The following GNB1 variants were observed in gnomAD, a reference collection of about 807,000 sequenced individuals.
GNB1 encodes guanine nucleotide-binding protein G(I)/G(S)/G(T) subunit beta-1.
Under a neutral mutation model 42.9 loss-of-function variants are expected in GNB1, and 2 were observed. That is an observed-to-expected ratio of 0.05 (90% CI 0.02 to 0.15). The LOEUF is 0.15. GNB1 is among the 10% of genes least tolerant of loss of function. GNB1 has a pLI of 1.00. For synonymous variants in GNB1, 183 were observed against 174.7 expected (o/e 1.05, Z -0.38); for missense variants, 193 against 462.2 (o/e 0.42, Z 5.34).
At chr1:1,842,234 T>C (rs180845904) in intron 1 of GNB1, among the ~76,000 whole-genome samples, 100 of 152,230 alleles carry the variant, frequency 6.6e-4, no homozygotes, top group Non-Finnish European at 8.1e-4. Context: ...ATTGAGACCA[T>C]CCTGGCTAAC....
At chr1:1,852,616 G>C (rs2101537056) in intron 1 of GNB1, among the ~76,000 whole-genome samples, 1 of 151,934 alleles carries the variant, frequency 6.6e-6, no homozygotes, top group Admixed American at 6.6e-5. Context: ...GACTGGTTGA[G>C]CCCAGGAGTT....
In GNB1 at chr1:1,885,311, G is replaced by C. The variant is rs556130997; in HGVS notation, c.-96+5509C>G. ...ACCTGTAATCTCAGCTACTTGGGAG[G>C]CTGAGGCAGGAGAATCACTTGAACC... On this transcript the variant is annotated intron_variant, in intron 1 of 11. Transcript: ENST00000378609. 3.3e-5 allele frequency among the ~76,000 whole-genome samples: 5 copies of C among 150,922 alleles called. No individual in the cohort carries two copies. The South Asian group carries it at 1.1e-3, about 32-fold the overall frequency.
intron 2 of GNB1, among the ~76,000 whole-genome samples, chr1:1,834,428 G>A (rs1393346097): frequency 1.3e-5 from 2 of 152,056 alleles, no homozygotes; most frequent in African/African-American, 2.4e-5. Flanking sequence ...TTAGGGCGGA[G>A]CACAAAATCT....
At chr1:1,884,396 G>A (rs1232730957) in intron 1 of GNB1, among the ~76,000 whole-genome samples, 1 of 152,036 alleles carries the variant, frequency 6.6e-6, no homozygotes, top group African/African-American at 2.4e-5. Context: ...ATTTTCAGTA[G>A]AGACAGGGTT....
At chr1:1,840,895 ATTTT>A (rs1049974565) in intron 1 of GNB1, among the ~76,000 whole-genome samples, 1 of 151,946 alleles carries the variant, frequency 6.6e-6, no homozygotes, top group African/African-American at 2.4e-5. Flanking sequence ...CATTTATTGT[ATTTT>A]TTTTATTTTT....
intron 1 of GNB1, among the ~76,000 whole-genome samples, chr1:1,885,551 CTTT>C (rs60651257): frequency 1.3e-4 from 12 of 94,056 alleles, no homozygotes; most frequent in Admixed American, 4.1e-4. Flanking sequence ...TCCACTTAAT[CTTT>C]TTTTTTTTTT....
chr1:1,830,133 A>G (rs2101044987), intron 2 of GNB1, among the ~76,000 whole-genome samples: 1 of 152,252 alleles, frequency 6.6e-6, no homozygotes, highest in Middle Eastern at 3.4e-3. Context: ...ATTATTCTTC[A>G]AATATAGTTT....
intron 1 of GNB1, among the ~76,000 whole-genome samples, chr1:1,858,147 T>A (rs1412898217): frequency 6.6e-6 from 1 of 152,204 alleles, no homozygotes; most frequent in Non-Finnish European, 1.5e-5. Context: ...TTTTTTCTTT[T>A]CTTTAAAAGC....
chr1:1,816,383 G>A (rs925356984), intron 4 of GNB1, among the ~76,000 whole-genome samples: 2 of 152,158 alleles, frequency 1.3e-5, no homozygotes, highest in African/African-American at 2.4e-5. Flanking sequence ...TGATGTTAAT[G>A]AGTTTAGGTT....
chr1:1,879,810 TG>T (rs753205502), intron 1 of GNB1, among the ~76,000 whole-genome samples: 13 of 152,076 alleles, frequency 8.5e-5, no homozygotes, highest in Non-Finnish European at 1.5e-4. Flanking sequence ...ATGGGAGCAA[TG>T]GATCTTCACA....
intron 1 of GNB1, among the ~76,000 whole-genome samples, chr1:1,870,347 A>T (rs1473620400): frequency 6.6e-6 from 1 of 151,598 alleles, no homozygotes; most frequent in Non-Finnish European, 1.5e-5. Context: ...TTGTTTTTTA[A>T]ACTTTTTGTA....
chr1:1,818,215 T>G (rs1038409600), intron 3 of GNB1: 3 of 202,978 alleles, frequency 1.5e-5, no homozygotes, highest in African/African-American at 7.0e-5. Context: ...GCCTGTGCCC[T>G]CACTGCTGCA....
At chr1:1,862,247 T>A (rs1648673185) in intron 1 of GNB1, among the ~76,000 whole-genome samples, 1 of 152,050 alleles carries the variant, frequency 6.6e-6, no homozygotes, top group African/African-American at 2.4e-5. Flanking sequence ...GTAAAGTGTA[T>A]ATGTTAGCAG....
chr1:1,800,992 G>A (rs1646618182), intron 7 of GNB1, among the ~76,000 whole-genome samples: 2 of 152,334 alleles, frequency 1.3e-5, no homozygotes, highest in East Asian at 1.9e-4. Flanking sequence ...GAAGGGCACT[G>A]GACATGGAAG....
At position 1,874,605 on chromosome 1, in the gene GNB1, TAAAAAAAAAA is replaced by T. The variant is rs34864042; in HGVS notation, c.-96+16205_-96+16214del. ...CTGGGAAGCAGAGCAAGACTCCATC[TAAAAAAAAAA>T]AAAAAAAAAAAAAAAAAGTACAAAA... On this transcript the variant is annotated intron_variant, in intron 1 of 11. Coordinates refer to ENST00000378609, the MANE Select transcript of GNB1 (RefSeq NM_002074.5). Among the ~76,000 whole-genome samples, 11 of 47,026 alleles carry T rather than the reference TAAAAAAAAAA, an allele frequency of 2.3e-4. No individual in the cohort carries two copies. The Admixed American group carries it at 2.4e-3, about 10-fold the overall frequency. 30.9% of individuals were successfully genotyped at this position (47,026 alleles called of 152,430 possible). A position where few individuals can be genotyped will look rare whatever the true frequency, so the allele number is the denominator to read the frequency against.
chr1:1,855,317 G>C (rs1298764322), intron 1 of GNB1, among the ~76,000 whole-genome samples: 1 of 128,220 alleles, frequency 7.8e-6, no homozygotes, highest in Non-Finnish European at 1.7e-5. Context: ...GCAAGACACT[G>C]TGTCAAAAAA....
intron 1 of GNB1, among the ~76,000 whole-genome samples, chr1:1,876,644 G>A (rs1376027294): frequency 6.6e-6 from 1 of 152,154 alleles, no homozygotes; most frequent in Non-Finnish European, 1.5e-5. Flanking sequence ...AAGTGTCATA[G>A]GCATAAGCCA....
In GNB1 at chr1:1,790,912, C is replaced by T. The variant is rs1173152086; in HGVS notation, c.498-316G>A. Among the ~76,000 whole-genome samples the T allele has an allele frequency of 6.6e-6, 1 of 152,114 alleles. No homozygotes were observed. The highest frequency in any genetic ancestry group is 1.5e-5 in the Non-Finnish European group (1 of 68,028). On this transcript the variant is annotated intron_variant, in intron 8 of 11. Transcript: ENST00000378609. The surrounding 1 kb of genome is among the most constrained non-coding windows in gnomAD (Gnocchi z 5.4). ...AAGCAGCACCACTGAGGCTGTGCCC[C>T]CTCTTTGGTCATGGATGGGCATGGA...
At chr1:1,789,910 C>G (rs1646459779) in intron 9 of GNB1, among the ~76,000 whole-genome samples, 1 of 152,154 alleles carries the variant, frequency 6.6e-6, no homozygotes, top group African/African-American at 2.4e-5. Flanking sequence ...GGGCTAATCT[C>G]ATGGAGGAAG....
Sources: gnomAD v4.1 joint callset for allele counts (sites outside exome capture counted in the v4.1 genomes callset) on GRCh38, gnomAD v4.1.1 for gene constraint, Gnocchi (gnomAD v3.1) non-coding constraint, MANE v1.5 for transcripts, NCBI Gene and HGNC (gene_info 2026-07-23, HGNC 2026-07-21) for gene names.